Variants in PYGL observed in about 807,000 individuals in gnomAD.
PYGL encodes glycogen phosphorylase, liver form.
A neutral mutation model predicts 100.1 loss-of-function variants in PYGL; 90 were observed. The ratio of observed to expected loss-of-function variants is 0.90; its 90% CI spans 0.76 to 1.07. The LOEUF (loss-of-function observed/expected upper bound fraction) is 1.07, where lower values mean the gene tolerates loss of function less well. Among genes scored for constraint, PYGL ranks in the 50% least tolerant of loss-of-function variants. The pLI, the probability that PYGL is intolerant of heterozygous loss-of-function variation, is 0.00. For missense variants in PYGL, 1,016 were observed against 1,057.6 expected, an observed-to-expected ratio of 0.96 and a Z score of 0.55; for synonymous variants, 373 against 393.0, an observed-to-expected ratio of 0.95 and a Z score of 0.60.
In PYGL at chr14:50,944,287, C is replaced by A. The variant is rs200370162; in HGVS notation, c.117G>T (p.Thr39=). The change falls in exon 1 of 20, where the codon ACG becomes ACT. Residue 39 remains threonine (T), a synonymous_variant. Coordinates refer to ENST00000216392, the MANE Select transcript of PYGL (RefSeq NM_002863.5). ...TGGCCACGTTGCGGTCCTTGACCAG[C>A]GTGAAGTGCAGGTGCCGGTTGAAAC... is the stretch of plus-strand genomic sequence containing the variant. ...KKSFNRHLHF[T]LVKDRNVATT... is the part of the protein sequence containing the mutation. The A allele has an allele frequency of 4.5e-5, 73 of 1,613,990 alleles. No homozygotes were observed. Among genetic ancestry groups the A allele is most frequent in the Non-Finnish European group, 6.1e-5 (72 of 1,179,902 alleles).
chr14:50,911,902 G>C, intron 15 of PYGL, 31 bp from the exon 16 acceptor site: 1 of 1,614,126 alleles, frequency 6.2e-7, no homozygotes. Flanking sequence ...CGCATTGACA[G>C]AAGGCAGCCA....
chr14:50,928,651 G>T (rs540035430), intron 4 of PYGL, among the ~76,000 whole-genome samples: 1 of 144,854 alleles, frequency 6.9e-6, no homozygotes, highest in African/African-American at 2.5e-5. Flanking sequence ...ATTTCAGGGG[G>T]TGCACGATGA....
chr14:50,908,711 G>A (rs1297428111), intron 18 of PYGL, 110 bp downstream of exon 18: 2 of 1,444,046 alleles, frequency 1.4e-6, no homozygotes, highest in Non-Finnish European at 1.9e-6. Context: ...GGTTTAAGTT[G>A]GTTTAAGATT....
chr14:50,910,622 A>AT (rs773042494), intron 16 of PYGL, among the ~76,000 whole-genome samples: 1 of 152,016 alleles, frequency 6.6e-6, no homozygotes, highest in African/African-American at 2.4e-5. Context: ...TGTCCAGCTA[A>AT]TTTTTTAAAA....
Position 50,931,654 on chromosome 14 carries a change from A to T in PYGL, c.528+19T>A. On this transcript the variant is annotated intron_variant, in intron 4 of 19. Coordinates refer to ENST00000216392, the MANE Select transcript of PYGL (RefSeq NM_002863.5). Reference sequence around the variant, plus strand: ...GAGAAGTACCTTAATGACAAAATTTAAAAAGATGGCTCACACACCTGCCAT... The same window carrying T: ...GAGAAGTACCTTAATGACAAAATTTTAAAAGATGGCTCACACACCTGCCAT... 3 of 1,597,166 alleles carry T rather than the reference A, an allele frequency of 1.9e-6. No individual in the cohort carries two copies. Among genetic ancestry groups the T allele is most frequent in the Non-Finnish European group, 2.6e-6 (3 of 1,164,742 alleles).
intron 7 of PYGL, among the ~76,000 whole-genome samples, chr14:50,918,296 T>C (rs979184044): frequency 2.0e-5 from 3 of 152,118 alleles, no homozygotes; most frequent in Non-Finnish European, 4.4e-5. Flanking sequence ...GAACTAAAAG[T>C]AGAACTACCA....
chr14:50,923,687 CAAAAAA>C, intron 5 of PYGL: 128 of 115,074 alleles, frequency 1.1e-3, no homozygotes, highest in Middle Eastern at 8.4e-3. Context: ...AATTTTCTGG[CAAAAAA>C]AAAAAAAAAA....
chr14:50,911,621 C>A, intron 16 of PYGL, 109 bp downstream of exon 16: 2 of 1,406,780 alleles, frequency 1.4e-6, no homozygotes, highest in Non-Finnish European at 2.0e-6. Context: ...AAGAGTGACA[C>A]CTTCTATCCT....
chr14:50,905,368 G>C lies in PYGL; in HGVS notation c.*24C>G. The C allele has an allele frequency of 6.3e-7, 1 of 1,576,508 alleles. No homozygotes were observed. The highest frequency in any genetic ancestry group is 8.6e-7 in the Non-Finnish European group (1 of 1,160,308). On this transcript the variant is annotated 3_prime_UTR_variant, in exon 20 of 20. Transcript: ENST00000216392. ...ATGTTCAAGTTCAGTAAGAAGCTAT[G>C]TTTTCTAGAGACAATTCTAGAGTTC...
intron 19 of PYGL, 170 bp downstream of exon 19, chr14:50,908,101 G>GTTT: frequency 1.6e-5 from 7 of 445,774 alleles, no homozygotes; most frequent in East Asian, 4.2e-5. Flanking sequence ...AAAAGACAAG[G>GTTT]TTTTTTTTTT....
chr14:50,921,236 A>T (rs2050498253), intron 5 of PYGL, 169 bp from the exon 6 acceptor site: 2 of 614,590 alleles, frequency 3.3e-6, no homozygotes, highest in Non-Finnish European at 5.8e-6. Context: ...AGGGTATTAG[A>T]GGAACATGTG....
At chr14:50,934,426 A>G (rs1373755591) in intron 3 of PYGL, among the ~76,000 whole-genome samples, 1 of 152,182 alleles carries the variant, frequency 6.6e-6, no homozygotes, top group Non-Finnish European at 1.5e-5. Flanking sequence ...GCTTTGAACA[A>G]ATAATAGTGA....
chr14:50,930,916 A>T (rs766088172), intron 4 of PYGL, among the ~76,000 whole-genome samples: 13 of 151,542 alleles, frequency 8.6e-5, no homozygotes, highest in African/African-American at 1.5e-4. Flanking sequence ...AGACTCAAAC[A>T]GTTACCAGAG....
At position 50,913,118 on chromosome 14, in the gene PYGL, C is replaced by G; in HGVS notation, c.1531G>C (p.Asp511His). ...AELIAEKIGE[D>H]YVKDLSQLTK... is the part of the protein sequence containing the mutation. ...AGCTGGCTCAGGTCTTTCACATAGT[C>G]TTCTCCAATTTTCTTTCAATTCAAA... Residue 511 changes from aspartate (D) to histidine (H), a missense_variant, in exon 13 of 20, where the codon GAC becomes CAC. Asp to His is a moderately conservative substitution (Grantham distance 81, BLOSUM62 -1). Transcript: ENST00000216392. The G allele has an allele frequency of 6.2e-7, 1 of 1,613,726 alleles. No homozygotes were observed. Among genetic ancestry groups the G allele is most frequent in the Non-Finnish European group, 8.5e-7 (1 of 1,179,712 alleles).
intron 1 of PYGL, among the ~76,000 whole-genome samples, chr14:50,943,731 G>C (rs1430706871): frequency 6.6e-6 from 1 of 152,240 alleles, no homozygotes; most frequent in Non-Finnish European, 1.5e-5. Context: ...AGCAAGGCAA[G>C]ATTTTTGTCC....
intron 9 of PYGL, 154 bp downstream of exon 9, chr14:50,916,488 A>G (rs1292328703): frequency 1.4e-6 from 1 of 726,520 alleles, no homozygotes; most frequent in Admixed American, 2.3e-5. Flanking sequence ...AACTCTAAGG[A>G]TGGAAAATGT....
chr14:50,908,054 C>G, intron 19 of PYGL: 4 of 389,674 alleles, frequency 1.0e-5, no homozygotes, highest in Non-Finnish European at 1.4e-5. Flanking sequence ...ACAACTCCTG[C>G]TGAAATGTCA....
chr14:50,931,881 G>C, intron 3 of PYGL, 105 bp from the exon 4 acceptor site: 1 of 871,954 alleles, frequency 1.1e-6, no homozygotes, highest in Non-Finnish European at 1.9e-6. Flanking sequence ...GTTATATGAA[G>C]AACCACATTT....
intron 4 of PYGL, among the ~76,000 whole-genome samples, chr14:50,931,469 G>A (rs76777561): frequency 0.019 from 2,839 of 152,260 alleles, 83 homozygotes; most frequent in African/African-American, 0.065. Flanking sequence ...TGGATCTGGT[G>A]ATGAGTGATA....
Sources: gnomAD v4.1 joint callset for allele counts (sites outside exome capture counted in the v4.1 genomes callset) on GRCh38, gnomAD v4.1.1 for gene constraint, MANE v1.5 for transcripts, NCBI Gene and HGNC (gene_info 2026-07-23, HGNC 2026-07-21) for gene names.